The following ABI2 variants were observed in gnomAD, a reference collection of about 807,000 sequenced individuals.
ABI2 encodes abl interactor 2, also known as abelson interactor 2.
A neutral mutation model predicts 59.2 loss-of-function variants in ABI2; 25 were observed. The observed-to-expected ratio is 0.42, with a 90% confidence interval of 0.31 to 0.59. The LOEUF (loss-of-function observed/expected upper bound fraction) is 0.59, where lower values mean the gene tolerates loss of function less well. Ranked by LOEUF, ABI2 falls within the 20% of genes least tolerant of loss-of-function variation. The probability of loss-of-function intolerance (pLI) is 0.14; values close to 1 mark genes in which losing one functional copy is unlikely to be tolerated. For missense variants in ABI2, 545 were observed against 681.8 expected, an observed-to-expected ratio of 0.80 and a Z score of 2.23; for synonymous variants, 213 against 235.5, an observed-to-expected ratio of 0.90 and a Z score of 0.87.
chr2:203,401,291 TCTC>T (rs1310431931), intron 8 of ABI2, among the ~76,000 whole-genome samples: 1 of 151,874 alleles, frequency 6.6e-6, no homozygotes, highest in Non-Finnish European at 1.5e-5. Flanking sequence ...TCCACCTTCA[TCTC>T]CTCCTCCTCT....
At chr2:203,388,229 G>A (rs1046940525) in intron 4 of ABI2, among the ~76,000 whole-genome samples, 1 of 152,142 alleles carries the variant, frequency 6.6e-6, no homozygotes, top group Admixed American at 6.5e-5. Context: ...TCTTTTAATA[G>A]AAAGGTAATG....
chr2:203,345,624 G>A (rs2082912162), intron 1 of ABI2, among the ~76,000 whole-genome samples: 1 of 151,984 alleles, frequency 6.6e-6, no homozygotes, highest in Non-Finnish European at 1.5e-5. Flanking sequence ...GGCCAGTCTG[G>A]TCTCGAACTC....
intron 1 of ABI2, among the ~76,000 whole-genome samples, chr2:203,344,853 G>C (rs569117275): frequency 1.3e-5 from 2 of 152,122 alleles, no homozygotes; most frequent in Non-Finnish European, 2.9e-5. Context: ...ACCAGTCAGC[G>C]CTCTGTGTCT....
At chr2:203,356,031 C>A (rs2091810774) in intron 1 of ABI2, among the ~76,000 whole-genome samples, 1 of 151,996 alleles carries the variant, frequency 6.6e-6, no homozygotes, top group African/African-American at 2.4e-5. Context: ...TTTTGATTCT[C>A]AGTTCTTTGT....
chr2:203,416,390 G>A (rs1299160401), intron 10 of ABI2, among the ~76,000 whole-genome samples: 3 of 151,872 alleles, frequency 2.0e-5, no homozygotes, highest in Non-Finnish European at 2.9e-5. Flanking sequence ...CCACCTCCCC[G>A]GTTCCAGCGA....
intron 2 of ABI2, among the ~76,000 whole-genome samples, chr2:203,379,511 T>C (rs1019336823): frequency 5.9e-5 from 9 of 152,194 alleles, no homozygotes; most frequent in Admixed American, 2.0e-4. Context: ...AGTGCTTGGA[T>C]TACGGGCCTG....
At chr2:203,427,063 C>T (rs943647914) in intron 11 of ABI2, 114 bp from the exon 12 acceptor site, 2 of 847,036 alleles carry the variant, frequency 2.4e-6, no homozygotes, top group Admixed American at 2.6e-5. Context: ...TTTAGAAAGT[C>T]ACCATGTTTG....
In ABI2 at chr2:203,430,446, C is replaced by T. The variant is rs1450414609; in HGVS notation, c.*3094C>T. 6.6e-6 allele frequency: 1 copy of T among 152,066 alleles called. No individual in the cohort carries two copies. The highest frequency in any genetic ancestry group is 2.1e-4 in the South Asian group (1 of 4,826). 9.4% of individuals were successfully genotyped at this position (152,066 alleles called of 1,614,324 possible). A position where few individuals can be genotyped will look rare whatever the true frequency, so the allele number is the denominator to read the frequency against. Reference sequence around the variant, plus strand: ...TGTCTTTTCTTGTCATATTAATACTCGAAAGTCCATGGTGGTATTAATGAA... The same window carrying T: ...TGTCTTTTCTTGTCATATTAATACTTGAAAGTCCATGGTGGTATTAATGAA... On this transcript the variant is annotated 3_prime_UTR_variant, in exon 12 of 12. Transcript: ENST00000261018.
At position 203,426,597 on chromosome 2, in the gene ABI2, G is replaced by T. The variant is rs767085964; in HGVS notation, c.1454-580G>T. Among the ~76,000 whole-genome samples the T allele has an allele frequency of 4.6e-5, 7 of 152,150 alleles. No homozygotes were observed. The South Asian group carries it at 1.5e-3, about 32-fold the overall frequency. ...CATATGTTTTGAAAAAATATATGTA[G>T]CGGACTCCCATCATTCATACATTTA... On this transcript the variant is annotated intron_variant, in intron 11 of 11. Coordinates refer to ENST00000261018, the MANE Select transcript of ABI2 (RefSeq NM_001375670.1).
At chr2:203,361,672 G>A (rs2093530625) in intron 1 of ABI2, among the ~76,000 whole-genome samples, 1 of 152,240 alleles carries the variant, frequency 6.6e-6, no homozygotes, top group South Asian at 2.1e-4. Flanking sequence ...GATGAAGAAT[G>A]ACCTGTTTTC....
chr2:203,370,878 T>A (rs1273466816), intron 2 of ABI2, among the ~76,000 whole-genome samples: 1 of 152,196 alleles, frequency 6.6e-6, no homozygotes, highest in Non-Finnish European at 1.5e-5. Flanking sequence ...ATCTAGGGTA[T>A]TGAGTTTCTT....
chr2:203,381,094 A>G (rs575671697), intron 3 of ABI2, among the ~76,000 whole-genome samples: 2 of 152,224 alleles, frequency 1.3e-5, no homozygotes, highest in African/African-American at 4.8e-5. Flanking sequence ...GATACTGTAC[A>G]GTTCATGTAG....
chr2:203,424,777 A>G (rs146903047), intron 11 of ABI2, among the ~76,000 whole-genome samples: 1 of 152,352 alleles, frequency 6.6e-6, no homozygotes, highest in African/African-American at 2.4e-5. Context: ...AATTTTGGCA[A>G]AAGAAAAAGC....
chr2:203,378,334 A>G (rs189850012), intron 2 of ABI2, among the ~76,000 whole-genome samples: 5 of 152,054 alleles, frequency 3.3e-5, no homozygotes, highest in Non-Finnish European at 1.5e-5. Flanking sequence ...GATGGTCTCG[A>G]TCTCCGGACT....
chr2:203,364,385 T>G (rs2094062875), intron 1 of ABI2, among the ~76,000 whole-genome samples: 1 of 152,114 alleles, frequency 6.6e-6, no homozygotes, highest in Admixed American at 6.5e-5. Context: ...TGAGCCACTG[T>G]GGCTGGCAGG....
intron 1 of ABI2, among the ~76,000 whole-genome samples, chr2:203,340,310 A>G (rs1284356660): frequency 6.6e-6 from 1 of 152,186 alleles, no homozygotes; most frequent in Non-Finnish European, 1.5e-5. Context: ...TGGGGGTCTA[A>G]TGTACTGTGT....
intron 1 of ABI2, 27 bp downstream of exon 1, chr2:203,328,658 G>A: frequency 6.7e-7 from 1 of 1,482,738 alleles, no homozygotes; most frequent in East Asian, 2.7e-5. Flanking sequence ...GCTGGGCCGC[G>A]TCGGGGACCC....
intron 1 of ABI2, among the ~76,000 whole-genome samples, chr2:203,348,086 C>G (rs920017018): frequency 6.6e-6 from 1 of 151,998 alleles, no homozygotes; most frequent in Non-Finnish European, 1.5e-5. Flanking sequence ...CCTAAAAATA[C>G]AAAAGTTAGC....
At chr2:203,329,621 G>T (rs1482225624) in intron 1 of ABI2, among the ~76,000 whole-genome samples, 2 of 148,462 alleles carry the variant, frequency 1.3e-5, no homozygotes, top group East Asian at 3.9e-4. Context: ...TTTCTTTCCC[G>T]TTTAAATTCT....
Sources: gnomAD v4.1 joint callset for allele counts (sites outside exome capture counted in the v4.1 genomes callset) on GRCh38, gnomAD v4.1.1 for gene constraint, MANE v1.5 for transcripts, NCBI Gene and HGNC (gene_info 2026-07-23, HGNC 2026-07-21) for gene names.